Variants in MALT1 observed in about 807,000 individuals in gnomAD.
MALT1 encodes the protein MALT1 paracaspase, also known as mucosa-associated lymphoid tissue lymphoma translocation protein 1.
MALT1 carries 36 observed loss-of-function variants against 85.5 expected under a neutral mutation model. That is an observed-to-expected ratio of 0.42 (90% CI 0.32 to 0.56). MALT1 has a LOEUF of 0.56. Among genes scored for constraint, MALT1 ranks in the 20% least tolerant of loss-of-function variants. The pLI, the probability that MALT1 is intolerant of heterozygous loss-of-function variation, is 0.10. For synonymous variants in MALT1, 359 were observed against 361.3 expected, an observed-to-expected ratio of 0.99 and a Z score of 0.07; for missense variants, 716 against 981.6, an observed-to-expected ratio of 0.73 and a Z score of 3.62.
At chr18:58,677,752 G>C (rs1193862156) in intron 1 of MALT1, 1 of 152,154 alleles carries the variant, frequency 6.6e-6, no homozygotes, top group Non-Finnish European at 1.5e-5. Flanking sequence ...CTACAGTCCA[G>C]AATTTGAGAC....
In MALT1 at chr18:58,723,261, T is replaced by G. The variant is rs773791706; in HGVS notation, c.1222+10T>G. 2 of 1,581,860 alleles carry G rather than the reference T, an allele frequency of 1.3e-6. No individual in the cohort carries two copies. Among genetic ancestry groups the G allele is most frequent in the Admixed American group, 3.4e-5 (2 of 59,556 alleles). ...GACAAGGGAGTATATGGTAAGATATTTATAATGTTTGTTTTTACAATTATC... is the reference window on the plus strand; with the variant it reads ...GACAAGGGAGTATATGGTAAGATATGTATAATGTTTGTTTTTACAATTATC... On this transcript the variant is annotated intron_variant, in intron 10 of 16. Transcript: ENST00000649217.
At chr18:58,737,622 G>A (rs566972264) in intron 13 of MALT1, among the ~76,000 whole-genome samples, 31 of 152,026 alleles carry the variant, frequency 2.0e-4, no homozygotes, top group South Asian at 6.2e-4. Context: ...AGTCTCTGTC[G>A]CGCAGGCTAG....
chr18:58,691,052 T>C, intron 2 of MALT1: 1 of 252,446 alleles, frequency 4.0e-6, no homozygotes, highest in South Asian at 4.5e-5. Context: ...GAATTGTGTC[T>C]GTTCTTCAGG....
In MALT1 at chr18:58,714,750, C is replaced by G. The variant is rs143466537; in HGVS notation, c.985+641C>G. 1.4e-3 allele frequency among the ~76,000 whole-genome samples: 207 copies of G among 152,244 alleles called. 1 individual carries two copies. The highest frequency in any genetic ancestry group is 0.01 in the Admixed American group (158 of 15,282). ...CAACAGTGAGAACTACATGAAGACA[C>G]AGGATATCAACCTCGTGTAGGCTTT... On this transcript the variant is annotated intron_variant, in intron 8 of 16. Transcript: ENST00000649217.
At chr18:58,726,899 A>G (rs1000911797) in intron 10 of MALT1, among the ~76,000 whole-genome samples, 8 of 152,242 alleles carry the variant, frequency 5.3e-5, no homozygotes, top group African/African-American at 7.2e-5. Context: ...TTCAGTTCAC[A>G]TAGCTCAGTG....
chr18:58,728,031 A>G (rs992431206), intron 10 of MALT1, among the ~76,000 whole-genome samples: 1 of 152,184 alleles, frequency 6.6e-6, no homozygotes, highest in African/African-American at 2.4e-5. Context: ...TCAGCCACTC[A>G]CTGTGCTAAG....
At chr18:58,681,374 T>C (rs1401584197) in intron 2 of MALT1, 38 bp downstream of exon 2, 1 of 1,573,400 alleles carries the variant, frequency 6.4e-7, no homozygotes, top group Non-Finnish European at 8.6e-7. Flanking sequence ...CAGGAGTTCA[T>C]GGAGCCAAAC....
At chr18:58,687,859 T>C (rs539035556) in intron 2 of MALT1, among the ~76,000 whole-genome samples, 1 of 152,358 alleles carries the variant, frequency 6.6e-6, no homozygotes, top group African/African-American at 2.4e-5. Context: ...TATCGGCATA[T>C]GTGTGTGTAG....
chr18:58,708,656 G>C (rs1026415455), intron 4 of MALT1, among the ~76,000 whole-genome samples: 14 of 152,156 alleles, frequency 9.2e-5, no homozygotes, highest in African/African-American at 2.9e-4. Context: ...GCAGTCTCCA[G>C]AAATAATCCT....
At chr18:58,729,739 A>G (rs2055120766) in intron 10 of MALT1, among the ~76,000 whole-genome samples, 2 of 152,208 alleles carry the variant, frequency 1.3e-5, no homozygotes, top group South Asian at 4.1e-4. Flanking sequence ...TAATCTGAAA[A>G]TCCCAAATCC....
Position 58,735,237 on chromosome 18 carries a change from C to A in MALT1, c.1511C>A (p.Ser504Tyr). ...GCAGAAGCTTTTGAAATCCAGCATTCTGGATTGGCAAATGGAATCTTTATG... is the reference window on the plus strand; with the variant it reads ...GCAGAAGCTTTTGAAATCCAGCATTATGGATTGGCAAATGGAATCTTTATG... ...QGAEAFEIQH[S>Y]GLANGIFMKF... Residue 504 changes from serine to tyrosine, a missense_variant, in exon 13 of 17, where the codon TCT becomes TAT. Physicochemically the swap from Ser to Tyr is moderately radical, Grantham distance 144. This residue lies in a region of MALT1 where 86 missense variants were observed against 212.3 expected (regional missense o/e 0.41). Transcript: ENST00000649217. 1 of 1,609,068 alleles carries A rather than the reference C, an allele frequency of 6.2e-7. No individual in the cohort carries two copies. The highest frequency in any genetic ancestry group is 8.5e-7 in the Non-Finnish European group (1 of 1,179,102).
chr18:58,720,063 A>G (rs2054962762), intron 9 of MALT1, among the ~76,000 whole-genome samples: 1 of 152,228 alleles, frequency 6.6e-6, no homozygotes, highest in Non-Finnish European at 1.5e-5. Flanking sequence ...GTTTAGGATC[A>G]TGAGTTAAAA....
chr18:58,704,879 A>T (rs2144373574), intron 4 of MALT1, among the ~76,000 whole-genome samples: 1 of 152,288 alleles, frequency 6.6e-6, no homozygotes, highest in South Asian at 2.1e-4. Flanking sequence ...TCTAGTCTAG[A>T]AAAAAGTCTC....
intron 4 of MALT1, among the ~76,000 whole-genome samples, chr18:58,705,747 C>G (rs1247558029): frequency 6.6e-6 from 1 of 151,890 alleles, no homozygotes; most frequent in East Asian, 1.9e-4. Flanking sequence ...GGGTTGGTTC[C>G]AAGTCTTTGT....
At chr18:58,678,061 C>T (rs777710821) in intron 1 of MALT1, among the ~76,000 whole-genome samples, 5 of 152,176 alleles carry the variant, frequency 3.3e-5, no homozygotes, top group Non-Finnish European at 2.9e-5. Context: ...TTGCCAAGCA[C>T]TGTGTTAAGC....
intron 12 of MALT1, among the ~76,000 whole-genome samples, 194 bp from the exon 13 acceptor site, chr18:58,735,008 T>C (rs545776024): frequency 6.6e-6 from 1 of 152,058 alleles, no homozygotes; most frequent in East Asian, 1.9e-4. Context: ...CAAATACTTA[T>C]CTTTTTTCCT....
chr18:58,744,563 ACTT>A (rs1485300982), intron 15 of MALT1, 68 bp downstream of exon 15: 1 of 914,476 alleles, frequency 1.1e-6, no homozygotes, highest in Non-Finnish European at 1.6e-6. Context: ...ATTTTTTAAA[ACTT>A]AAAGTTGATG....
chr18:58,701,308 C>G (rs80331749), intron 4 of MALT1, among the ~76,000 whole-genome samples: 2 of 152,036 alleles, frequency 1.3e-5, no homozygotes, highest in Admixed American at 6.6e-5. Flanking sequence ...TCCATGGTCT[C>G]GAAATGTCTT....
intron 2 of MALT1, chr18:58,692,034 A>G (rs1468388238): frequency 2.5e-5 from 3 of 118,942 alleles, no homozygotes; most frequent in Non-Finnish European, 3.3e-5. Flanking sequence ...ACGGAGCGAG[A>G]CTCCGTCTCA....
Sources: gnomAD v4.1 joint callset for allele counts (sites outside exome capture counted in the v4.1 genomes callset) on GRCh38, gnomAD v4.1.1 for gene constraint, gnomAD v4.1.1 regional missense constraint, MANE v1.5 for transcripts, NCBI Gene and HGNC (gene_info 2026-07-23, HGNC 2026-07-21) for gene names.